The following HDAC2 variants were observed in gnomAD, a reference collection of about 807,000 sequenced individuals.
HDAC2 encodes YY1-associated factor 1.
HDAC2 carries 5 observed loss-of-function variants against 68.5 expected under a neutral mutation model. That is an observed-to-expected ratio of 0.07 (90% confidence interval 0.04 to 0.15). The LOEUF (loss-of-function observed/expected upper bound fraction) is 0.15, where lower values mean the gene tolerates loss of function less well. HDAC2 is among the 10% of genes least tolerant of loss of function. The pLI is 1.00. For missense variants in HDAC2, 291 were observed against 600.8 expected (o/e 0.48, Z 5.39); for synonymous variants, 182 against 191.3 (o/e 0.95, Z 0.40).
chr6:113,967,531 A>G (rs1054767185), intron 1 of HDAC2, among the ~76,000 whole-genome samples: 12 of 152,202 alleles, frequency 7.9e-5, no homozygotes, highest in Non-Finnish European at 1.5e-5. Context: ...CATCCCTCTC[A>G]GAGGAGGAAA....
intron 12 of HDAC2, 49 bp downstream of exon 12, chr6:113,943,302 A>G: frequency 1.3e-6 from 2 of 1,496,838 alleles, no homozygotes; most frequent in Non-Finnish European, 1.8e-6. Context: ...ATGCAGCCCA[A>G]TTTTTAAAAT....
Position 113,956,622 on chromosome 6 carries a change from C to A in HDAC2, c.355G>T (p.Val119Phe). The part of the protein sequence containing the change: ...EFCQLSTGGS[V>F]AGAVKLNRQQ... ...ATCTGATTGCATTAGCACTTACCAACTGAACCGCCAGTTGAGAGCTGACAA... is the reference window on the plus strand; with the variant it reads ...ATCTGATTGCATTAGCACTTACCAAATGAACCGCCAGTTGAGAGCTGACAA... Residue 119 changes from valine to phenylalanine, a missense_variant, in exon 4 of 14, where the codon GTT becomes TTT. Physicochemically the swap from Val to Phe is conservative, Grantham distance 50. Coordinates refer to ENST00000519065, the MANE Select transcript of HDAC2 (RefSeq NM_001527.4). 1 of 1,609,928 alleles carries A rather than the reference C, an allele frequency of 6.2e-7. No individual in the cohort carries two copies. The highest frequency in any genetic ancestry group is 8.5e-7 in the Non-Finnish European group (1 of 1,176,244).
At chr6:113,953,464 A>T (rs1562144980) in intron 5 of HDAC2, 46 bp from the exon 6 acceptor site, 1 of 1,203,170 alleles carries the variant, frequency 8.3e-7, no homozygotes, top group Non-Finnish European at 1.2e-6. Flanking sequence ...AAAGGTTCTA[A>T]GATGGGAAGA....
In HDAC2 at chr6:113,958,753, G is replaced by A; in HGVS notation, c.179C>T (p.Ala60Val). 6.3e-7 allele frequency: 1 copy of A among 1,583,796 alleles called. No homozygotes were observed. The highest frequency in any genetic ancestry group is 8.7e-7 in the Non-Finnish European group (1 of 1,153,308). ...RKMEIYRPHKATAEEMTKYHS... is the reference protein window; with the variant it reads ...RKMEIYRPHKVTAEEMTKYHS... ...ATATTTTGTCATTTCTTCGGCAGTGGCTTTATGGGGCCTCTGTGAAGAGAA... is the reference window on the plus strand; with the variant it reads ...ATATTTTGTCATTTCTTCGGCAGTGACTTTATGGGGCCTCTGTGAAGAGAA... Residue 60 changes from alanine (A) to valine (V), a missense_variant, in exon 3 of 14, where the codon GCC (alanine) becomes GTC (valine). Physicochemically the swap from Ala to Val is moderately conservative, Grantham distance 64. This residue lies in a region of HDAC2 where 154 missense variants were observed against 472.1 expected (regional missense o/e 0.33). Transcript: ENST00000519065.
intron 12 of HDAC2, among the ~76,000 whole-genome samples, chr6:113,942,566 T>G (rs1776161499): frequency 6.6e-6 from 1 of 152,122 alleles, no homozygotes; most frequent in African/African-American, 2.4e-5. Flanking sequence ...AAACGTGTGC[T>G]CATCACCATT....
At chr6:113,949,827 C>A (rs1290327946) in intron 6 of HDAC2, among the ~76,000 whole-genome samples, 2 of 151,972 alleles carry the variant, frequency 1.3e-5, no homozygotes, top group Non-Finnish European at 1.5e-5. Context: ...GTTGCCCAGG[C>A]TGGAGGCGCA....
rs1425168417 is a variant in HDAC2 at position 113,940,852 on chromosome 6, T to C, written c.*206A>G. 3 of 465,072 alleles carry C rather than the reference T, an allele frequency of 6.5e-6. No individual in the cohort carries two copies. Among genetic ancestry groups the C allele is most frequent in the East Asian group, 3.3e-5 (1 of 30,448 alleles). 28.8% of individuals were successfully genotyped at this position (465,072 alleles called of 1,614,324 possible). Reference sequence around the variant, plus strand: ...ATTTTAAATACTATCACATAAAGCATGGTGGAGAAAAGAAATTTTGCTTCA... The same window carrying C: ...ATTTTAAATACTATCACATAAAGCACGGTGGAGAAAAGAAATTTTGCTTCA... On this transcript the variant is annotated 3_prime_UTR_variant, in exon 14 of 14. Transcript: ENST00000519065.
chr6:113,933,978 T>C lies in HDAC2; in HGVS notation c.*7080A>G, dbSNP rs1775946097. On this transcript the variant is annotated 3_prime_UTR_variant, in exon 14 of 14. Coordinates refer to ENST00000519065, the MANE Select transcript of HDAC2 (RefSeq NM_001527.4). ...GGGAAACTCTGGTCTCTGACTTTGA[T>C]TTTTTTTTAATAGTAATGTTTGGTA... 1 of 150,386 alleles carries C rather than the reference T, an allele frequency of 6.6e-6. No individual in the cohort carries two copies. Among genetic ancestry groups the C allele is most frequent in the African/African-American group, 2.5e-5 (1 of 40,326 alleles). 9.3% of individuals were successfully genotyped at this position (150,386 alleles called of 1,614,324 possible).
At chr6:113,965,912 T>C (rs956527235) in intron 1 of HDAC2, among the ~76,000 whole-genome samples, 8 of 152,244 alleles carry the variant, frequency 5.3e-5, no homozygotes, top group Admixed American at 5.2e-4. Flanking sequence ...TTTATTAACA[T>C]TCCCTAAGAG....
chr6:113,934,307 C>CG lies in HDAC2; in HGVS notation c.*6750dup, dbSNP rs1775954140. On this transcript the variant is annotated 3_prime_UTR_variant, in exon 14 of 14. Coordinates refer to ENST00000519065, the MANE Select transcript of HDAC2 (RefSeq NM_001527.4). ...TTTGTGACATCAGACAGGTAAAAGACGGAGTGCTGGAAAAGCATGTCAGCT... is the reference window on the plus strand; with the variant it reads ...TTTGTGACATCAGACAGGTAAAAGACGGGAGTGCTGGAAAAGCATGTCAGCT... The CG allele has an allele frequency of 6.6e-6, 1 of 152,098 alleles. No individual in the cohort carries two copies. Among genetic ancestry groups the CG allele is most frequent in the South Asian group, 2.1e-4 (1 of 4,830 alleles). The allele number at this position is 152,098 out of a possible 1,614,324, so 9.4% of individuals were successfully genotyped here. A position where few individuals can be genotyped will look rare whatever the true frequency, so the allele number is the denominator to read the frequency against.
In HDAC2 at chr6:113,956,397, G is replaced by A. The variant is rs938360508; in HGVS notation, c.358+222C>T. On this transcript the variant is annotated intron_variant, in intron 4 of 13. Coordinates refer to ENST00000519065, the MANE Select transcript of HDAC2 (RefSeq NM_001527.4). ...TAACAATGATACCTAGAAGACAAAG[G>A]GAATGAATGAAGTCTCCAAGTGAAA... The A allele has an allele frequency of 2.5e-5, 14 of 563,164 alleles. No individual in the cohort carries two copies. The Admixed American group carries it at 4.3e-4, about 17-fold the overall frequency. 34.9% of individuals were successfully genotyped at this position (563,164 alleles called of 1,614,324 possible).
intron 3 of HDAC2, chr6:113,958,293 A>T (rs1246848306): frequency 6.0e-6 from 1 of 165,680 alleles, no homozygotes; most frequent in Non-Finnish European, 1.3e-5. Flanking sequence ...ACAAGACAAG[A>T]GATATGTACA....
intron 6 of HDAC2, among the ~76,000 whole-genome samples, chr6:113,952,456 C>T (rs1480140936): frequency 6.6e-6 from 1 of 152,180 alleles, no homozygotes; most frequent in Admixed American, 6.5e-5. Flanking sequence ...TACTTTATGG[C>T]AACTCTTTAA....
intron 9 of HDAC2, among the ~76,000 whole-genome samples, 199 bp downstream of exon 9, chr6:113,945,809 A>C (rs748163368): frequency 2.2e-4 from 33 of 152,174 alleles, no homozygotes; most frequent in Non-Finnish European, 5.9e-5. Context: ...GTCCAACTGA[A>C]GCCTAACCTA....
At chr6:113,944,128 A>C (rs1776212974) in intron 11 of HDAC2, 152 bp downstream of exon 11, 4 of 669,154 alleles carry the variant, frequency 6.0e-6, no homozygotes, top group Non-Finnish European at 7.8e-6. Flanking sequence ...AGGTTCTGAG[A>C]CATCAGGAAG....
intron 2 of HDAC2, among the ~76,000 whole-genome samples, chr6:113,959,376 GTGTC>G (rs776826314): frequency 2.0e-5 from 3 of 151,706 alleles, no homozygotes; most frequent in Admixed American, 6.6e-5. Context: ...GCTAATTGTC[GTGTC>G]TGTATTTGTT....
At chr6:113,968,496 T>C (rs1394208317) in intron 1 of HDAC2, 1 of 152,214 alleles carries the variant, frequency 6.6e-6, no homozygotes, top group Non-Finnish European at 1.5e-5. Context: ...TATTAATAAT[T>C]AGCATAATAT....
chr6:113,964,570 C>G (rs1380113326), intron 1 of HDAC2, among the ~76,000 whole-genome samples: 2 of 152,152 alleles, frequency 1.3e-5, no homozygotes, highest in Non-Finnish European at 2.9e-5. Flanking sequence ...CATCAGTGAA[C>G]AATAGTTCTG....
chr6:113,955,678 C>T (rs1776536037), intron 5 of HDAC2, among the ~76,000 whole-genome samples: 1 of 152,070 alleles, frequency 6.6e-6, no homozygotes, highest in Admixed American at 6.5e-5. Context: ...CCACATCTGG[C>T]TAATTTTTTT....
Sources: allele counts gnomAD v4.1 joint callset (sites outside exome capture counted in the v4.1 genomes callset), GRCh38; gene constraint gnomAD v4.1.1; regional missense constraint gnomAD v4.1.1; transcripts MANE v1.5; gene names NCBI Gene and HGNC (gene_info 2026-07-23, HGNC 2026-07-21).